Variants in RAB38 observed in about 807,000 individuals in gnomAD.
The protein encoded by RAB38 is ras-related protein Rab-38.
In RAB38, 15 loss-of-function variants were observed where a neutral mutation model predicts 18.4. That is an observed-to-expected ratio of 0.82 (90% CI 0.55 to 1.26). The LOEUF is 1.26. RAB38 is among the 50% of genes most tolerant of loss of function. RAB38 has a pLI of 0.00. For synonymous variants in RAB38, 101 were observed against 104.4 expected (o/e 0.97, Z 0.20); for missense variants, 294 against 267.4 (o/e 1.10, Z -0.69).
At chr11:87,843,887 A>G in the RAB38 span, among the ~76,000 whole-genome samples, 1 of 152,160 alleles carries the variant, frequency 6.6e-6, no homozygotes, top group Non-Finnish European at 1.5e-5. Flanking sequence ...GAAATGTTCA[A>G]TTTGTTATAA....
chr11:88,067,918 T>TAC, the RAB38 span, among the ~76,000 whole-genome samples: 3 of 149,424 alleles, frequency 2.0e-5, no homozygotes, highest in Non-Finnish European at 4.4e-5. Flanking sequence ...GGTAAAATTA[T>TAC]ATATATATAT....
At chr11:88,044,346 C>A in the RAB38 span, among the ~76,000 whole-genome samples, 1 of 152,050 alleles carries the variant, frequency 6.6e-6, no homozygotes, top group Non-Finnish European at 1.5e-5. Flanking sequence ...GGGCAAGCAC[C>A]CCCCAACCCC....
chr11:88,044,527 T>C, the RAB38 span, among the ~76,000 whole-genome samples: 1 of 152,176 alleles, frequency 6.6e-6, no homozygotes, highest in Non-Finnish European at 1.5e-5. Flanking sequence ...ACAATGCTGC[T>C]TGACCCCAAT....
the RAB38 span, among the ~76,000 whole-genome samples, chr11:87,897,709 T>C: frequency 6.6e-6 from 1 of 151,664 alleles, no homozygotes; most frequent in African/African-American, 2.4e-5. Flanking sequence ...TTAGAATCCA[T>C]TTAAAGGCAA....
the RAB38 span, among the ~76,000 whole-genome samples, chr11:87,937,622 A>C: frequency 6.6e-6 from 1 of 151,742 alleles, no homozygotes; most frequent in African/African-American, 2.4e-5. Flanking sequence ...AGTTATGACT[A>C]TTGCAATAAT....
intron 2 of RAB38, among the ~76,000 whole-genome samples, chr11:88,134,407 A>AT (rs142348085): frequency 0.25 from 37,351 of 151,824 alleles, 4,704 homozygotes; most frequent in Non-Finnish European, 0.28. Flanking sequence ...TGCCTGGTTA[A>AT]TTTTTTGTGT....
At chr11:87,907,395 T>G in the RAB38 span, among the ~76,000 whole-genome samples, 22 of 151,994 alleles carry the variant, frequency 1.4e-4, no homozygotes, top group African/African-American at 4.1e-4. Context: ...TTAAATTGGT[T>G]TGTCTTTTTT....
At chr11:88,154,682 C>T (rs1943103951) in intron 1 of RAB38, among the ~76,000 whole-genome samples, 1 of 152,200 alleles carries the variant, frequency 6.6e-6, no homozygotes. Flanking sequence ...TCCAGGCATT[C>T]AGACGACCTG....
the RAB38 span, among the ~76,000 whole-genome samples, chr11:87,946,196 G>T: frequency 0.023 from 3,498 of 152,184 alleles, 138 homozygotes; most frequent in African/African-American, 0.08. Flanking sequence ...GCAGTGACCT[G>T]CCACTTGAAG....
chr11:87,879,881 A>C, the RAB38 span: 1 of 151,738 alleles, frequency 6.6e-6, no homozygotes, highest in Non-Finnish European at 1.5e-5. Context: ...TAATGCTCAA[A>C]ATATTAGTAA....
chr11:87,974,724 A>T, the RAB38 span, among the ~76,000 whole-genome samples: 1 of 151,830 alleles, frequency 6.6e-6, no homozygotes. Context: ...AAGCAGCCAA[A>T]GGGAAATGAT....
At chr11:88,155,480 G>GA (rs1404740747) in intron 1 of RAB38, among the ~76,000 whole-genome samples, 1 of 151,024 alleles carries the variant, frequency 6.6e-6, no homozygotes, top group Non-Finnish European at 1.5e-5. Context: ...AAAGGAAAAG[G>GA]AAAAAGGAAA....
chr11:88,152,879 G>A (rs937982976), intron 1 of RAB38, among the ~76,000 whole-genome samples: 1 of 152,218 alleles, frequency 6.6e-6, no homozygotes, highest in South Asian at 2.1e-4. Context: ...TACAGTTTTT[G>A]CCCAGGAGGA....
chr11:87,870,985 G>A, the RAB38 span, among the ~76,000 whole-genome samples: 737 of 151,682 alleles, frequency 4.9e-3, 7 homozygotes, highest in African/African-American at 0.017. Context: ...CATGCAAAAT[G>A]TTAAAATATT....
chr11:87,969,000 A>G, the RAB38 span, among the ~76,000 whole-genome samples: 1 of 152,140 alleles, frequency 6.6e-6, no homozygotes, highest in South Asian at 2.1e-4. Flanking sequence ...CGTCATCACT[A>G]TGCAGTATAT....
At chr11:88,151,535 T>A (rs1032563936) in intron 1 of RAB38, among the ~76,000 whole-genome samples, 1 of 152,218 alleles carries the variant, frequency 6.6e-6, no homozygotes, top group Non-Finnish European at 1.5e-5. Flanking sequence ...AATTTATTTA[T>A]GTTAAGAGTC....
the RAB38 span, among the ~76,000 whole-genome samples, chr11:87,971,705 G>C: frequency 2.0e-5 from 3 of 152,228 alleles, no homozygotes; most frequent in South Asian, 2.1e-4. Flanking sequence ...CTAATATATG[G>C]AGGAGTGAGT....
downstream of RAB38, among the ~76,000 whole-genome samples, chr11:88,110,715 G>A (rs888132061): frequency 9.2e-5 from 14 of 151,580 alleles, no homozygotes; most frequent in African/African-American, 3.4e-4. Context: ...TACTCGGGAG[G>A]CTGAGACAGA....
chr11:88,079,262 C>A, the RAB38 span, among the ~76,000 whole-genome samples: 2 of 151,596 alleles, frequency 1.3e-5, no homozygotes, highest in Non-Finnish European at 3.0e-5. Context: ...ATAAGTCCAA[C>A]AGACATTATC....
Sources: allele counts gnomAD v4.1 joint callset (sites outside exome capture counted in the v4.1 genomes callset), GRCh38; gene constraint gnomAD v4.1.1; transcripts MANE v1.5; gene names NCBI Gene and HGNC (gene_info 2026-07-23, HGNC 2026-07-21).